ROBO1: variants seen among roughly 807,000 people sequenced by gnomAD.
ROBO1 encodes the protein roundabout homolog 1.
ROBO1 carries 149 observed loss-of-function variants against 195.9 expected under a neutral mutation model. The observed-to-expected ratio is 0.76, with a 90% CI of 0.67 to 0.87. The LOEUF (loss-of-function observed/expected upper bound fraction) is 0.87. ROBO1 is among the 40% of genes least tolerant of loss of function. The pLI, the probability that ROBO1 is intolerant of heterozygous loss-of-function variation, is 0.00. For missense variants in ROBO1, 1,933 were observed against 2,068.3 expected (o/e 0.93, Z 1.27); for synonymous variants, 816 against 733.2 (o/e 1.11, Z -1.82).
intron 28 of ROBO1, among the ~76,000 whole-genome samples, chr3:78,611,927 T>C (rs914826417): frequency 6.6e-6 from 1 of 152,144 alleles, no homozygotes; most frequent in African/African-American, 2.4e-5. Context: ...ACTGACACCT[T>C]GATCTTAAAC....
chr3:78,891,276 A>G (rs2036873425), intron 4 of ROBO1, among the ~76,000 whole-genome samples: 2 of 152,314 alleles, frequency 1.3e-5, no homozygotes, highest in South Asian at 4.1e-4. Flanking sequence ...AGAAATGGAG[A>G]GGCTACAACC....
At chr3:79,238,034 T>A (rs2082446856) in intron 2 of ROBO1, among the ~76,000 whole-genome samples, 1 of 152,210 alleles carries the variant, frequency 6.6e-6, no homozygotes, top group African/African-American at 2.4e-5. Flanking sequence ...GGCTGTCTGC[T>A]TTCTTCTGCT....
chr3:79,612,014 G>T (rs1237012932), intron 1 of ROBO1, among the ~76,000 whole-genome samples: 3 of 149,574 alleles, frequency 2.0e-5, no homozygotes, highest in Non-Finnish European at 3.0e-5. Context: ...ATTCTGTAAT[G>T]ACTATTATCT....
At chr3:78,793,578 A>G (rs1305216361) in intron 4 of ROBO1, among the ~76,000 whole-genome samples, 7 of 152,186 alleles carry the variant, frequency 4.6e-5, no homozygotes, top group African/African-American at 9.7e-5. Context: ...AATATGGCAG[A>G]TCAAGGTTCT....
chr3:79,545,569 T>C (rs1942233455), intron 2 of ROBO1, among the ~76,000 whole-genome samples: 1 of 152,240 alleles, frequency 6.6e-6, no homozygotes, highest in Non-Finnish European at 1.5e-5. Flanking sequence ...ATAACCCTAA[T>C]GAGTTTTAAG....
intron 2 of ROBO1, among the ~76,000 whole-genome samples, chr3:79,260,309 C>A (rs1054182137): frequency 4.6e-5 from 7 of 151,800 alleles, no homozygotes; most frequent in Non-Finnish European, 1.0e-4. Context: ...TTTTGTGAGG[C>A]TCAGAATCAC....
intron 4 of ROBO1, among the ~76,000 whole-genome samples, chr3:78,775,933 G>A (rs1207785425): frequency 6.6e-6 from 1 of 152,196 alleles, no homozygotes; most frequent in Admixed American, 6.5e-5. Flanking sequence ...AATTGAGGAA[G>A]GAGGCAAGTG....
intron 2 of ROBO1, among the ~76,000 whole-genome samples, chr3:79,158,426 T>C (rs2080896102): frequency 6.6e-6 from 1 of 151,626 alleles, no homozygotes. Context: ...TCTATTTTTA[T>C]GTAGAAATTA....
At chr3:78,939,850 T>C (rs2040039686) in intron 3 of ROBO1, among the ~76,000 whole-genome samples, 1 of 151,884 alleles carries the variant, frequency 6.6e-6, no homozygotes, top group South Asian at 2.1e-4. Flanking sequence ...AAATATACTA[T>C]TAAATGGAAA....
chr3:79,721,967 A>T (rs1305819467), intron 1 of ROBO1, among the ~76,000 whole-genome samples: 1 of 152,188 alleles, frequency 6.6e-6, no homozygotes, highest in African/African-American at 2.4e-5. Context: ...AATGATTCTA[A>T]TGCTCTTTCT....
rs576901319 is a variant in ROBO1, at chr3:79,506,951, G to GCTTACAA, written c.88+82872_88+82873insTTGTAAG. Among the ~76,000 whole-genome samples, 692 of 152,280 alleles carry GCTTACAA rather than the reference G, an allele frequency of 4.5e-3. 5 individuals carry two copies. Among genetic ancestry groups the GCTTACAA allele is most frequent in the South Asian group, 0.011 (51 of 4,822 alleles). ...AGAGTTCATAGGAGGTTACTGGAAG[G>GCTTACAA]CAATTTGTGTCAGGTTACAACACAC... On this transcript the variant is annotated intron_variant, in intron 2 of 30. Coordinates refer to ENST00000464233, the MANE Select transcript of ROBO1 (RefSeq NM_002941.4).
intron 2 of ROBO1, among the ~76,000 whole-genome samples, chr3:79,415,064 T>C (rs1200696829): frequency 6.6e-6 from 1 of 152,214 alleles, no homozygotes; most frequent in Non-Finnish European, 1.5e-5. Context: ...TAAGTGAAAC[T>C]GATCAGTACC....
chr3:79,248,116 T>C (rs1318843202), intron 2 of ROBO1, among the ~76,000 whole-genome samples: 5 of 151,970 alleles, frequency 3.3e-5, no homozygotes, highest in Admixed American at 6.6e-5. Context: ...TTGGATAGAT[T>C]TGGGGGAAAA....
intron 4 of ROBO1, among the ~76,000 whole-genome samples, chr3:78,819,459 C>A (rs9826854): frequency 0.038 from 5,347 of 139,146 alleles, 313 homozygotes; most frequent in African/African-American, 0.13. Flanking sequence ...AAAAAAAAAA[C>A]AAAACCTTTT....
intron 4 of ROBO1, among the ~76,000 whole-genome samples, chr3:78,794,045 C>T (rs1048220948): frequency 6.6e-6 from 1 of 152,070 alleles, no homozygotes. Context: ...CATTTCATAT[C>T]ATCAAAGACC....
chr3:79,455,902 C>G (rs2039605422), intron 2 of ROBO1, among the ~76,000 whole-genome samples: 1 of 152,104 alleles, frequency 6.6e-6, no homozygotes, highest in Admixed American at 6.6e-5. Flanking sequence ...CTGCATATAA[C>G]TAAGCTTCCA....
intron 2 of ROBO1, among the ~76,000 whole-genome samples, chr3:79,231,420 C>T (rs1468277597): frequency 6.6e-6 from 1 of 152,076 alleles, no homozygotes; most frequent in African/African-American, 2.4e-5. Flanking sequence ...ACTGACACTT[C>T]TCAAAAGAAG....
chr3:79,504,838 CAT>C (rs1940302149), intron 2 of ROBO1, among the ~76,000 whole-genome samples: 1 of 151,882 alleles, frequency 6.6e-6, no homozygotes, highest in African/African-American at 2.4e-5. Flanking sequence ...CATAGTTGGG[CAT>C]ATGTGTGTGT....
intron 3 of ROBO1, among the ~76,000 whole-genome samples, chr3:78,964,224 C>T (rs1446669868): frequency 6.6e-6 from 1 of 152,134 alleles, no homozygotes; most frequent in Non-Finnish European, 1.5e-5. Context: ...CCCTAATGAC[C>T]TCACCTTATC....
Sources: gnomAD v4.1 joint callset for allele counts (sites outside exome capture counted in the v4.1 genomes callset) on GRCh38, gnomAD v4.1.1 for gene constraint, MANE v1.5 for transcripts, NCBI Gene and HGNC (gene_info 2026-07-23, HGNC 2026-07-21) for gene names.